SLC1A1: variants seen among roughly 807,000 people sequenced by gnomAD.
SLC1A1 encodes the protein solute carrier family 1 member 1, also known as excitatory amino acid transporter 3.
Under a neutral mutation model 53.3 loss-of-function variants are expected in SLC1A1, and 43 were observed. That is an observed-to-expected ratio of 0.81 (90% CI 0.63 to 1.04). The LOEUF is 1.04. SLC1A1 is among the 50% of genes least tolerant of loss of function. SLC1A1 has a pLI of 0.00. For missense variants in SLC1A1, 748 were observed against 664.9 expected (o/e 1.12, Z -1.37); for synonymous variants, 307 against 243.2 (o/e 1.26, Z -2.44).
intron 6 of SLC1A1, among the ~76,000 whole-genome samples, chr9:4,568,998 G>T (rs1049801416): frequency 6.6e-6 from 1 of 152,120 alleles, no homozygotes; most frequent in Non-Finnish European, 1.5e-5. Flanking sequence ...AGGAGCAACG[G>T]TTCAGTATTT....
At chr9:4,563,723 G>T (rs116563846) in intron 3 of SLC1A1, among the ~76,000 whole-genome samples, 1 of 152,196 alleles carries the variant, frequency 6.6e-6, no homozygotes, top group Non-Finnish European at 1.5e-5. Context: ...CAATGATGCT[G>T]TCAGATGCTC....
At chr9:4,536,407 G>A (rs1816675972) in intron 1 of SLC1A1, among the ~76,000 whole-genome samples, 1 of 152,136 alleles carries the variant, frequency 6.6e-6, no homozygotes, top group Admixed American at 6.5e-5. Flanking sequence ...CTTCTCAAAA[G>A]AAGACATTTA....
At position 4,586,110 on chromosome 9, in the gene SLC1A1, G is replaced by C. The variant is rs981243867; in HGVS notation, c.*552G>C. 1.2e-5 allele frequency: 2 copies of C among 168,680 alleles called. No individual in the cohort carries two copies. Among genetic ancestry groups the C allele is most frequent in the African/African-American group, 4.8e-5 (2 of 41,444 alleles). 10.4% of individuals were successfully genotyped at this position (168,680 alleles called of 1,614,324 possible). A position where few individuals can be genotyped will look rare whatever the true frequency, so the allele number is the denominator to read the frequency against. ...AGACCAGCATAGTTCTGCAATAACA[G>C]TTTTAAGATGGGCATAGGGTTTGGA... On this transcript the variant is annotated 3_prime_UTR_variant, in exon 12 of 12. Coordinates refer to ENST00000262352, the MANE Select transcript of SLC1A1 (RefSeq NM_004170.6).
At chr9:4,582,984 C>G in intron 10 of SLC1A1, 54 bp from the exon 11 acceptor site, 1 of 1,611,310 alleles carries the variant, frequency 6.2e-7, no homozygotes, top group African/African-American at 1.3e-5. Context: ...CAGGCCAGGG[C>G]TTTAACGGGA....
intron 2 of SLC1A1, among the ~76,000 whole-genome samples, chr9:4,552,932 A>G (rs1348847097): frequency 6.6e-6 from 1 of 152,000 alleles, no homozygotes. Context: ...ATATGAACAC[A>G]CTGAATGCAT....
intron 10 of SLC1A1, among the ~76,000 whole-genome samples, chr9:4,579,445 C>A (rs1031637280): frequency 1.3e-5 from 2 of 152,154 alleles, no homozygotes; most frequent in African/African-American, 4.8e-5. Flanking sequence ...GTGATGAAAT[C>A]CCTCCCTCTT....
chr9:4,514,963 G>C (rs4008488), intron 1 of SLC1A1, among the ~76,000 whole-genome samples: 33,723 of 151,764 alleles, frequency 0.22, 4,379 homozygotes, highest in Admixed American at 0.32. Context: ...CTTCTGACTG[G>C]GCTGGCAGGA....
chr9:4,531,195 G>T (rs569381482), intron 1 of SLC1A1, among the ~76,000 whole-genome samples: 1 of 152,336 alleles, frequency 6.6e-6, no homozygotes, highest in Non-Finnish European at 1.5e-5. Flanking sequence ...ACTGGGGAGT[G>T]TCGGAAAGTG....
At chr9:4,505,045 CT>C (rs3038189) in intron 1 of SLC1A1, among the ~76,000 whole-genome samples, 114 of 114,998 alleles carry the variant, frequency 9.9e-4, no homozygotes, top group East Asian at 5.7e-3. Flanking sequence ...ACATATATTT[CT>C]TTTTTTTTTT....
At chr9:4,554,652 T>C (rs1436541346) in intron 2 of SLC1A1, among the ~76,000 whole-genome samples, 1 of 152,164 alleles carries the variant, frequency 6.6e-6, no homozygotes, top group East Asian at 1.9e-4. Context: ...GACAGGAAGA[T>C]GGCACAAAGA....
intron 8 of SLC1A1, among the ~76,000 whole-genome samples, chr9:4,575,192 C>G (rs937169432): frequency 6.6e-6 from 1 of 152,158 alleles, no homozygotes; most frequent in Non-Finnish European, 1.5e-5. Flanking sequence ...GCCAGAACTC[C>G]AGGATCTATA....
rs768966803 is a variant in SLC1A1, at chr9:4,564,476, A to G, written c.440+18A>G. On this transcript the variant is annotated intron_variant, in intron 4 of 11. Coordinates refer to ENST00000262352, the MANE Select transcript of SLC1A1 (RefSeq NM_004170.6). ...CTCATCAGGTGAGTGTTTTGCCACAAGGTGGCTTCAAGGGCATGCGGATAG... is the reference window on the plus strand; with the variant it reads ...CTCATCAGGTGAGTGTTTTGCCACAGGGTGGCTTCAAGGGCATGCGGATAG... 19 of 1,514,066 alleles carry G rather than the reference A, an allele frequency of 1.3e-5. No homozygotes were observed. Among genetic ancestry groups the G allele is most frequent in the Admixed American group, 1.7e-5 (1 of 58,876 alleles). The allele number at this position is 1,514,066 out of a possible 1,614,324, so 93.8% of individuals were successfully genotyped here.
chr9:4,494,502 C>T (rs1024392879), intron 1 of SLC1A1, among the ~76,000 whole-genome samples: 2 of 152,050 alleles, frequency 1.3e-5, no homozygotes, highest in African/African-American at 4.8e-5. Context: ...TTTAGGGTGA[C>T]TCAAGTGTTT....
intron 5 of SLC1A1, among the ~76,000 whole-genome samples, chr9:4,566,971 G>C (rs1449394006): frequency 6.6e-6 from 1 of 152,186 alleles, no homozygotes; most frequent in Non-Finnish European, 1.5e-5. Flanking sequence ...ACGAGGGACA[G>C]AACCTCCTCT....
intron 10 of SLC1A1, among the ~76,000 whole-genome samples, chr9:4,579,880 G>C (rs1001797081): frequency 6.6e-6 from 1 of 151,926 alleles, no homozygotes; most frequent in African/African-American, 2.4e-5. Flanking sequence ...TGAAAATTGT[G>C]TGAGAATATG....
chr9:4,576,739 G>C lies in SLC1A1; in HGVS notation c.1169G>C (p.Gly390Ala), dbSNP rs781300108. 1 of 1,614,076 alleles carries C rather than the reference G, an allele frequency of 6.2e-7. No individual in the cohort carries two copies. The highest frequency in any genetic ancestry group is 8.5e-7 in the Non-Finnish European group (1 of 1,179,968). ...FIAQLNDLDL[G>A]IGQIITISIT... ...GCACAGTTGAATGACCTGGACTTGG[G>C]CATTGGGCAGATCATCACCATCAGG... The change falls in exon 10 of 12, where the codon GGC becomes GCC. Residue 390 changes from glycine to alanine, a missense_variant. By Grantham distance (60) the Gly-to-Ala change is moderately conservative. Coordinates refer to ENST00000262352, the MANE Select transcript of SLC1A1 (RefSeq NM_004170.6).
intron 1 of SLC1A1, among the ~76,000 whole-genome samples, chr9:4,543,183 C>G (rs962869620): frequency 5.3e-5 from 8 of 152,100 alleles, no homozygotes; most frequent in African/African-American, 1.9e-4. Flanking sequence ...TTTCATTGCC[C>G]TAGAGTTTTT....
chr9:4,572,216 G>T lies in SLC1A1; in HGVS notation c.595G>T (p.Glu199Ter). Residue 199 changes from glutamate (E) to a stop codon, truncating the protein, a stop_gained, in exon 7 of 12, where the codon GAA becomes TAA. Coordinates refer to ENST00000262352, the MANE Select transcript of SLC1A1 (RefSeq NM_004170.6). LOFTEE classifies it high-confidence loss of function. ...TTAISKNKTK[E>*]YKIVGMYSDG... ...TTTTGATCCACAGAACAAAACAAAG[G>T]AATACAAAATTGTTGGCATGTATTC... 6.2e-7 allele frequency: 1 copy of T among 1,613,144 alleles called. No individual in the cohort carries two copies. The highest frequency in any genetic ancestry group is 8.5e-7 in the Non-Finnish European group (1 of 1,179,172).
intron 2 of SLC1A1, among the ~76,000 whole-genome samples, chr9:4,551,705 G>C (rs1365249515): frequency 6.6e-6 from 1 of 152,226 alleles, no homozygotes; most frequent in Non-Finnish European, 1.5e-5. Context: ...AGGAAGACAA[G>C]TTTGTTGCCT....
Sources: allele counts gnomAD v4.1 joint callset (sites outside exome capture counted in the v4.1 genomes callset), GRCh38; gene constraint gnomAD v4.1.1; transcripts MANE v1.5; gene names NCBI Gene and HGNC (gene_info 2026-07-23, HGNC 2026-07-21).